The following NFKBID variants were observed in gnomAD, a reference collection of about 807,000 sequenced individuals.
NFKBID encodes the protein NF-kappa-B inhibitor delta.
A neutral mutation model predicts 53.4 loss-of-function variants in NFKBID; 26 were observed. The observed-to-expected ratio is 0.49, with a 90% CI of 0.36 to 0.68. The LOEUF (loss-of-function observed/expected upper bound fraction) is 0.68, where lower values mean the gene tolerates loss of function less well. Among genes scored for constraint, NFKBID ranks in the 30% least tolerant of loss-of-function variants. NFKBID has a pLI of 0.00. For synonymous variants in NFKBID, 262 were observed against 259.8 expected (o/e 1.01, Z -0.08); for missense variants, 493 against 614.1 (o/e 0.80, Z 2.08).
At chr19:35,889,265 A>G (rs1462619194) in intron 11 of NFKBID, among the ~76,000 whole-genome samples, 1 of 151,294 alleles carries the variant, frequency 6.6e-6, no homozygotes, top group Non-Finnish European at 1.5e-5. Context: ...CTGAGGTGGG[A>G]GGATCCCTTG....
At chr19:35,890,037 G>A (rs975393054) in exon 11 of NFKBID, 9 of 1,604,414 alleles carry the variant, frequency 5.6e-6, no homozygotes, top group Non-Finnish European at 7.6e-6. Context: ...CCATGTGGAG[G>A]GCTGTGTTCC....
exon 12 of NFKBID, chr19:35,888,574 T>C: frequency 6.4e-7 from 1 of 1,571,380 alleles, no homozygotes; most frequent in Non-Finnish European, 8.6e-7. Flanking sequence ...AGGACAGGCC[T>C]GGCGGCGCCA....
At chr19:35,889,186 T>TAAA (rs552654313) in intron 11 of NFKBID, among the ~76,000 whole-genome samples, 3 of 131,346 alleles carry the variant, frequency 2.3e-5, no homozygotes, top group South Asian at 2.5e-4. Flanking sequence ...CCCCATCTCT[T>TAAA]AAAAAAAAAA....
chr19:35,897,676 G>A (rs1402350378), exon 4 of NFKBID: 12 of 1,603,310 alleles, frequency 7.5e-6, no homozygotes, highest in South Asian at 3.3e-5. Context: ...AAATGGGCAC[G>A]GCTGCCCTGG....
At chr19:35,889,759 G>C in intron 11 of NFKBID, 131 bp downstream of exon 11, 1 of 913,394 alleles carries the variant, frequency 1.1e-6, no homozygotes, top group Admixed American at 2.3e-5. Context: ...AGTCAGGGTT[G>C]CCTGAGGGCT....
exon 5 of NFKBID, chr19:35,897,057 G>C (rs1568493761): frequency 1.3e-6 from 2 of 1,599,752 alleles, no homozygotes; most frequent in Non-Finnish European, 1.7e-6. Context: ...CCAGGGTCCA[G>C]CCTGTGGCAG....
At chr19:35,901,048 G>C (rs1282968755), upstream of NFKBID, among the ~76,000 whole-genome samples, 1 of 151,938 alleles carries the variant, frequency 6.6e-6, no homozygotes. Context: ...GGCCAGGCTG[G>C]TCTCGAACTC....
intron 4 of NFKBID, 158 bp downstream of exon 4, chr19:35,897,493 C>T (rs1167424886): frequency 6.0e-6 from 4 of 668,760 alleles, no homozygotes; most frequent in Non-Finnish European, 8.2e-6. Flanking sequence ...ATCCGCCTGC[C>T]TCAGCCTCCC....
At position 35,896,363 on chromosome 19, in the gene NFKBID, A is replaced by T; in HGVS notation, c.831+29T>A. 1 of 1,614,088 alleles carries T rather than the reference A, an allele frequency of 6.2e-7. No homozygotes were observed. Among genetic ancestry groups the T allele is most frequent in the Non-Finnish European group, 8.5e-7 (1 of 1,179,984 alleles). On this transcript the variant is annotated intron_variant, in intron 7 of 11. Transcript: ENST00000641389. This position sits in a 1 kb window ranked among gnomAD's most constrained non-coding sequence, Gnocchi z 5.7. ...TCTGGGCAACCAGTCTACCCCCCAG[A>T]CAAACCCCTGCCTGCCAGCTGGCCA...
At chr19:35,899,591 C>T (rs2146970564) in intron 1 of NFKBID, 1 of 146,820 alleles carries the variant, frequency 6.8e-6, no homozygotes, top group South Asian at 2.2e-4. Context: ...AAGGCCCATC[C>T]ATACAGTCTC....
Position 35,889,884 on chromosome 19 carries a change from A to G in NFKBID, c.1314+6T>C, listed in dbSNP as rs746965668. Reference sequence around the variant, plus strand: ...CACTCTACAGGCAGGCTCAGTGCTTACTTACCCCCTCAGGGCCCGGCCCGG... The same window carrying G: ...CACTCTACAGGCAGGCTCAGTGCTTGCTTACCCCCTCAGGGCCCGGCCCGG... On this transcript the variant is annotated splice_donor_region_variant and intron_variant, in intron 11 of 11. Coordinates refer to ENST00000641389, the Ensembl canonical transcript of NFKBID. 1 of 1,602,308 alleles carries G rather than the reference A, an allele frequency of 6.2e-7. No individual in the cohort carries two copies. The highest frequency in any genetic ancestry group is 8.5e-7 in the Non-Finnish European group (1 of 1,172,544).
chr19:35,897,458 G>A, intron 4 of NFKBID, 193 bp downstream of exon 4: 1 of 628,782 alleles, frequency 1.6e-6, no homozygotes, highest in Non-Finnish European at 2.9e-6. Context: ...TGGCCAAGCT[G>A]GTCTCAAACG....
intron 1 of NFKBID, chr19:35,899,604 T>C (rs1975431847): frequency 6.7e-6 from 1 of 149,682 alleles, no homozygotes; most frequent in Admixed American, 6.6e-5. Flanking sequence ...ACAGTCTCTT[T>C]TTCAGGCCCC....
At chr19:35,894,898 C>T (rs1568489773) in intron 9 of NFKBID, among the ~76,000 whole-genome samples, 1 of 151,844 alleles carries the variant, frequency 6.6e-6, no homozygotes, top group Non-Finnish European at 1.5e-5. Context: ...GAGGCTGAGG[C>T]AGGAGAATCG....
At chr19:35,891,301 T>C (rs545276276) in intron 9 of NFKBID, among the ~76,000 whole-genome samples, 18 of 152,204 alleles carry the variant, frequency 1.2e-4, no homozygotes, top group Non-Finnish European at 1.8e-4. Flanking sequence ...GTAACGATAA[T>C]GAATGTTAAA....
At chr19:35,900,827 C>CTTTTTTT (rs60365058), upstream of NFKBID, among the ~76,000 whole-genome samples, 272 of 107,562 alleles carry the variant, frequency 2.5e-3, no homozygotes, top group East Asian at 6.3e-3. Context: ...TTTTTCTTTT[C>CTTTTTTT]TTTTTTTTTT....
chr19:35,890,182 A>G, intron 10 of NFKBID, 128 bp from the exon 11 acceptor site: 1 of 1,011,964 alleles, frequency 9.9e-7, no homozygotes, highest in East Asian at 2.6e-5. Flanking sequence ...TCCCCCGGCC[A>G]CAGCCACGCT....
intron 1 of NFKBID, 93 bp from the exon 2 acceptor site, chr19:35,898,915 T>G: frequency 1.1e-6 from 1 of 878,344 alleles, no homozygotes; most frequent in East Asian, 2.7e-5. Flanking sequence ...TTGGGCACCC[T>G]CCTCGCCCTC....
At chr19:35,902,267 C>G (rs1295697327), upstream of NFKBID, 6 of 705,374 alleles carry the variant, frequency 8.5e-6, no homozygotes, top group Non-Finnish European at 5.2e-6. Flanking sequence ...TAGGATCCCT[C>G]TCAAACACAC....
Sources: allele counts gnomAD v4.1 joint callset (sites outside exome capture counted in the v4.1 genomes callset), GRCh38; gene constraint gnomAD v4.1.1; non-coding constraint Gnocchi (gnomAD v3.1); transcripts MANE v1.5; gene names NCBI Gene and HGNC (gene_info 2026-07-23, HGNC 2026-07-21).